The following CADM2 variants were observed in gnomAD, a reference collection of about 807,000 sequenced individuals.
CADM2 encodes the protein cell adhesion molecule 2.
Under a neutral mutation model 49.8 loss-of-function variants are expected in CADM2, and 12 were observed. The observed-to-expected ratio is 0.24, with a 90% confidence interval of 0.15 to 0.39. The LOEUF (loss-of-function observed/expected upper bound fraction) is 0.39. CADM2 is among the 10% of genes least tolerant of loss of function. The pLI is 1.00. For synonymous variants in CADM2, 214 were observed against 175.4 expected (o/e 1.22, Z -1.74); for missense variants, 378 against 492.3 (o/e 0.77, Z 2.20).
At chr3:85,826,918 TTAGAA>T (rs528235257) in intron 3 of CADM2, among the ~76,000 whole-genome samples, 76 of 152,086 alleles carry the variant, frequency 5.0e-4, no homozygotes, top group South Asian at 1.0e-3. Flanking sequence ...CAAGTGGAAG[TTAGAA>T]TAGATATAAT....
At chr3:85,534,884 A>G (rs1265025903) in intron 1 of CADM2, among the ~76,000 whole-genome samples, 3 of 152,118 alleles carry the variant, frequency 2.0e-5, no homozygotes, top group African/African-American at 7.2e-5. Flanking sequence ...ATGAGTGGCT[A>G]CTTTTGTTGT....
At chr3:85,537,870 C>T (rs2061459257) in intron 1 of CADM2, among the ~76,000 whole-genome samples, 1 of 152,010 alleles carries the variant, frequency 6.6e-6, no homozygotes, top group Admixed American at 6.6e-5. Flanking sequence ...ATAACCTTGA[C>T]TCATAAGTAG....
At chr3:84,987,537 C>T (rs2032645192) in intron 1 of CADM2, among the ~76,000 whole-genome samples, 1 of 152,038 alleles carries the variant, frequency 6.6e-6, no homozygotes, top group African/African-American at 2.4e-5. Context: ...TCTTGCCCAC[C>T]AGATCATAGA....
chr3:85,214,071 A>G (rs1391818729), intron 1 of CADM2, among the ~76,000 whole-genome samples: 1 of 152,114 alleles, frequency 6.6e-6, no homozygotes, highest in Non-Finnish European at 1.5e-5. Flanking sequence ...TGTGTTATTT[A>G]GTTTGTTCCA....
chr3:85,459,211 G>C (rs1239926835), intron 1 of CADM2, among the ~76,000 whole-genome samples: 1 of 152,064 alleles, frequency 6.6e-6, no homozygotes, highest in Non-Finnish European at 1.5e-5. Context: ...TCTCTTACAG[G>C]GGCAAGATGG....
At chr3:84,967,905 G>A (rs2031127638) in intron 1 of CADM2, among the ~76,000 whole-genome samples, 1 of 151,938 alleles carries the variant, frequency 6.6e-6, no homozygotes, top group African/African-American at 2.4e-5. Flanking sequence ...GCAAAAAGAA[G>A]GGGAAAGGAA....
At chr3:85,003,230 T>G (rs1454976889) in intron 1 of CADM2, among the ~76,000 whole-genome samples, 2 of 152,292 alleles carry the variant, frequency 1.3e-5, no homozygotes, top group East Asian at 3.9e-4. Flanking sequence ...ATTCTCAAAT[T>G]TTTAAGCCTC....
intron 1 of CADM2, among the ~76,000 whole-genome samples, chr3:85,489,181 A>AT (rs1187705420): frequency 6.6e-6 from 1 of 152,130 alleles, no homozygotes; most frequent in African/African-American, 2.4e-5. Context: ...ATCCTACATC[A>AT]TTTTTATAAG....
At chr3:85,786,931 T>G (rs2071025548) in intron 2 of CADM2, among the ~76,000 whole-genome samples, 1 of 152,112 alleles carries the variant, frequency 6.6e-6, no homozygotes, top group African/African-American at 2.4e-5. Context: ...AAATTTTGTG[T>G]TACTGCATTT....
At chr3:85,453,538 A>G (rs1212009777) in intron 1 of CADM2, among the ~76,000 whole-genome samples, 1 of 151,976 alleles carries the variant, frequency 6.6e-6, no homozygotes, top group Admixed American at 6.6e-5. Context: ...TTTATTGTCA[A>G]TTTTCTGGAT....
intron 1 of CADM2, among the ~76,000 whole-genome samples, chr3:85,516,099 T>G (rs368592436): frequency 2.0e-5 from 3 of 152,162 alleles, no homozygotes; most frequent in Non-Finnish European, 2.9e-5. Context: ...TTCATGATCA[T>G]TTCAGTTTCC....
chr3:85,393,255 T>C (rs955089171), intron 1 of CADM2, among the ~76,000 whole-genome samples: 1 of 152,022 alleles, frequency 6.6e-6, no homozygotes, highest in Admixed American at 6.6e-5. Flanking sequence ...GTTCAGAACT[T>C]GATGGTAAAT....
intron 1 of CADM2, among the ~76,000 whole-genome samples, chr3:85,664,941 A>G (rs2065521460): frequency 6.6e-6 from 1 of 151,808 alleles, no homozygotes; most frequent in South Asian, 2.1e-4. Flanking sequence ...TACTCACTTT[A>G]ATTTTGTTCT....
At chr3:85,930,011 C>T (rs78192226) in intron 6 of CADM2, among the ~76,000 whole-genome samples, 6,309 of 151,852 alleles carry the variant, frequency 0.042, 180 homozygotes, top group Middle Eastern at 0.074. Flanking sequence ...TACTGTAGTA[C>T]TTGTGGTTAA....
intron 1 of CADM2, among the ~76,000 whole-genome samples, chr3:85,309,099 A>G (rs2044282564): frequency 6.6e-6 from 1 of 152,048 alleles, no homozygotes; most frequent in Non-Finnish European, 1.5e-5. Context: ...ATTTGGGCCA[A>G]AGTTACACGT....
At chr3:85,278,801 T>A (rs192554194) in intron 1 of CADM2, among the ~76,000 whole-genome samples, 84 of 150,842 alleles carry the variant, frequency 5.6e-4, no homozygotes, top group African/African-American at 2.0e-3. Context: ...TAAACATAAT[T>A]GCAAAATGCT....
At chr3:85,692,294 G>T (rs912768700) in intron 1 of CADM2, among the ~76,000 whole-genome samples, 1 of 152,174 alleles carries the variant, frequency 6.6e-6, no homozygotes, top group Non-Finnish European at 1.5e-5. Context: ...ACTGATCAGG[G>T]TAGGCTGAAT....
intron 1 of CADM2, among the ~76,000 whole-genome samples, chr3:85,504,963 G>A (rs1366893521): frequency 3.9e-5 from 6 of 152,074 alleles, no homozygotes; most frequent in African/African-American, 1.2e-4. Context: ...CCGGCCGGCT[G>A]CTTCGCGTGC....
chr3:85,347,264 C>T (rs1406574639), intron 1 of CADM2, among the ~76,000 whole-genome samples: 2 of 116,268 alleles, frequency 1.7e-5, no homozygotes, highest in Non-Finnish European at 3.6e-5. Context: ...TTGCAAATTG[C>T]AAATTATACT....
Sources: gnomAD v4.1 joint callset for allele counts (sites outside exome capture counted in the v4.1 genomes callset) on GRCh38, gnomAD v4.1.1 for gene constraint, MANE v1.5 for transcripts, NCBI Gene and HGNC (gene_info 2026-07-23, HGNC 2026-07-21) for gene names.